Variants in SATB2 observed in about 807,000 individuals in gnomAD.
SATB2 encodes DNA-binding protein SATB2.
SATB2 carries 1 observed loss-of-function variant against 73.4 expected under a neutral mutation model. That is an observed-to-expected ratio of 0.01 (90% CI 0.00 to 0.06). SATB2 has a LOEUF of 0.06. Ranked by LOEUF, SATB2 falls within the 10% of genes least tolerant of loss-of-function variation. SATB2 has a pLI of 1.00. For missense variants in SATB2, 459 were observed against 945.8 expected (o/e 0.49, Z 6.75); for synonymous variants, 397 against 367.0 (o/e 1.08, Z -0.93).
intron 2 of SATB2, among the ~76,000 whole-genome samples, chr2:199,452,746 T>C (rs1236016723): frequency 6.6e-6 from 1 of 152,098 alleles, no homozygotes; most frequent in Non-Finnish European, 1.5e-5. Flanking sequence ...CTAGCCTTCA[T>C]ATGTTTTTTA....
intron 3 of SATB2, among the ~76,000 whole-genome samples, chr2:199,388,888 T>C (rs1281215341): frequency 1.3e-5 from 2 of 152,158 alleles, no homozygotes; most frequent in African/African-American, 2.4e-5. Context: ...ATTGATTGCA[T>C]CTGTTTATCT....
At chr2:199,367,401 A>AGG (rs1689317259) in intron 6 of SATB2, among the ~76,000 whole-genome samples, 1 of 152,138 alleles carries the variant, frequency 6.6e-6, no homozygotes. Context: ...GCCTTATAAA[A>AGG]CATATATTTA....
At chr2:199,355,334 G>C (rs1688941658) in intron 6 of SATB2, among the ~76,000 whole-genome samples, 1 of 94,820 alleles carries the variant, frequency 1.1e-5, no homozygotes, top group Non-Finnish European at 2.1e-5. Flanking sequence ...ATGTGTGTGT[G>C]TGTGTGTGTG....
chr2:199,448,890 C>T (rs1574639246), intron 2 of SATB2, among the ~76,000 whole-genome samples: 1 of 152,136 alleles, frequency 6.6e-6, no homozygotes, highest in African/African-American at 2.4e-5. Flanking sequence ...AAGAGCAGAA[C>T]TGAATCTGCC....
chr2:199,433,069 C>T (rs556505339), intron 3 of SATB2, among the ~76,000 whole-genome samples: 2 of 152,274 alleles, frequency 1.3e-5, no homozygotes, highest in East Asian at 3.9e-4. Context: ...TTGGTCCTAA[C>T]TTAGAGAAAA....
intron 6 of SATB2, among the ~76,000 whole-genome samples, chr2:199,365,048 A>T (rs1022268658): frequency 6.6e-6 from 1 of 152,000 alleles, no homozygotes; most frequent in Non-Finnish European, 1.5e-5. Flanking sequence ...AGAACTTAGG[A>T]AAAAACTACT....
At chr2:199,309,013 G>A in intron 9 of SATB2, 56 bp from the exon 10 acceptor site, 3 of 1,403,296 alleles carry the variant, frequency 2.1e-6, no homozygotes, top group Non-Finnish European at 3.0e-6. Context: ...GAGCTGAGGG[G>A]GCCTTGACTG....
upstream of SATB2, chr2:199,458,656 C>T (rs1019010246): frequency 4.5e-6 from 2 of 440,932 alleles, no homozygotes; most frequent in Middle Eastern, 3.8e-4. Context: ...AGACGCAGAC[C>T]GACGCGCAAG....
intron 9 of SATB2, among the ~76,000 whole-genome samples, chr2:199,313,847 A>G (rs1245799999): frequency 2.0e-5 from 3 of 152,136 alleles, no homozygotes; most frequent in Non-Finnish European, 2.9e-5. Flanking sequence ...GGCAACAATA[A>G]AAAAACACCA....
rs3748904 is a variant in SATB2, at chr2:199,308,589, T to C, written c.1740+171A>G. ...GCACGCACATGCACACACACACACA[T>C]ACACATACACACAGTACCCACTGTG... On this transcript the variant is annotated intron_variant, in intron 10 of 10. Transcript: ENST00000417098. The surrounding 1 kb of genome is among the most constrained non-coding windows in gnomAD (Gnocchi z 4.6). 0.78 allele frequency among the ~76,000 whole-genome samples: 118,227 copies of C among 150,746 alleles called. 47,902 individuals are homozygous for C. Among genetic ancestry groups the C allele is most frequent in the Non-Finnish European group, 0.89 (59,862 of 67,460 alleles).
At chr2:199,371,839 T>C (rs1297596984) in intron 5 of SATB2, among the ~76,000 whole-genome samples, 1 of 152,108 alleles carries the variant, frequency 6.6e-6, no homozygotes, top group Non-Finnish European at 1.5e-5. Flanking sequence ...CCAGAAAATA[T>C]GTGTATTGCT....
chr2:199,336,796 T>C (rs1688349429), intron 7 of SATB2, among the ~76,000 whole-genome samples: 1 of 152,162 alleles, frequency 6.6e-6, no homozygotes, highest in Admixed American at 6.6e-5. Context: ...GCAGAAATGA[T>C]TGAGAATAAA....
chr2:199,319,649 C>A (rs995836979), intron 9 of SATB2, among the ~76,000 whole-genome samples: 1 of 151,936 alleles, frequency 6.6e-6, no homozygotes, highest in African/African-American at 2.4e-5. Flanking sequence ...CTTTCCATTT[C>A]TCTCCCTACT....
chr2:199,449,024 T>C (rs1187997943), intron 2 of SATB2, among the ~76,000 whole-genome samples: 1 of 152,202 alleles, frequency 6.6e-6, no homozygotes, highest in East Asian at 1.9e-4. Context: ...AAAACTGACA[T>C]AGTTTGCTGA....
At chr2:199,291,650 C>G (rs1239617752) in intron 10 of SATB2, among the ~76,000 whole-genome samples, 1 of 152,128 alleles carries the variant, frequency 6.6e-6, no homozygotes, top group Non-Finnish European at 1.5e-5. Context: ...CAGTAGCTCA[C>G]ATCTGTAATC....
At chr2:199,368,227 C>A (rs1330606573) in intron 6 of SATB2, among the ~76,000 whole-genome samples, 1 of 152,100 alleles carries the variant, frequency 6.6e-6, no homozygotes, top group Non-Finnish European at 1.5e-5. Context: ...CACAGGAACA[C>A]AACATCAAAC....
chr2:199,309,035 C>T (rs1687520657), intron 9 of SATB2, 78 bp from the exon 10 acceptor site: 1 of 1,072,740 alleles, frequency 9.3e-7, no homozygotes, highest in African/African-American at 1.6e-5. Flanking sequence ...GGTCCAGTGC[C>T]ATCACAGTAC....
chr2:199,374,092 G>C (rs1689527107), intron 5 of SATB2, among the ~76,000 whole-genome samples: 1 of 152,168 alleles, frequency 6.6e-6, no homozygotes, highest in Admixed American at 6.5e-5. Context: ...GCTTGCTCAG[G>C]ATGACAGAAA....
At chr2:199,327,490 T>G (rs890291290) in intron 8 of SATB2, among the ~76,000 whole-genome samples, 4 of 152,094 alleles carry the variant, frequency 2.6e-5, no homozygotes, top group African/African-American at 9.7e-5. Flanking sequence ...TTTTGAGAAT[T>G]AGCACTCAGA....
Sources: gnomAD v4.1 joint callset for allele counts (sites outside exome capture counted in the v4.1 genomes callset) on GRCh38, gnomAD v4.1.1 for gene constraint, Gnocchi (gnomAD v3.1) non-coding constraint, MANE v1.5 for transcripts, NCBI Gene and HGNC (gene_info 2026-07-23, HGNC 2026-07-21) for gene names.